EHBP1: variants seen among roughly 807,000 people sequenced by gnomAD.
The protein encoded by EHBP1 is EH domain binding protein 1.
A neutral mutation model predicts 144.0 loss-of-function variants in EHBP1; 55 were observed. The observed-to-expected ratio is 0.38, with a 90% CI of 0.31 to 0.48. EHBP1 has a LOEUF of 0.48. Among genes scored for constraint, EHBP1 ranks in the 20% least tolerant of loss-of-function variants. EHBP1 has a pLI of 0.98. For synonymous variants in EHBP1, 469 were observed against 472.7 expected (o/e 0.99, Z 0.10); for missense variants, 1,200 against 1,364.2 (o/e 0.88, Z 1.90).
chr2:62,754,934 C>T (rs1558614395), intron 3 of EHBP1, among the ~76,000 whole-genome samples: 1 of 152,330 alleles, frequency 6.6e-6, no homozygotes, highest in South Asian at 2.1e-4. Context: ...CCTTGCACTT[C>T]CCGGGTGAGG....
chr2:62,860,387 A>T (rs1031351296), intron 8 of EHBP1, among the ~76,000 whole-genome samples: 1 of 152,140 alleles, frequency 6.6e-6, no homozygotes, highest in South Asian at 2.1e-4. Flanking sequence ...GCTACTCGAG[A>T]GGCTGAGGCA....
At chr2:62,863,175 CA>C (rs2049729954) in intron 8 of EHBP1, among the ~76,000 whole-genome samples, 1 of 152,080 alleles carries the variant, frequency 6.6e-6, no homozygotes. Flanking sequence ...CCCAGCTACT[CA>C]GGAGGCTGAG....
intron 1 of EHBP1, among the ~76,000 whole-genome samples, chr2:62,683,493 A>C (rs138932354): frequency 6.6e-6 from 1 of 151,936 alleles, no homozygotes; most frequent in African/African-American, 2.4e-5. Context: ...CCCCACCTGT[A>C]CTGAAAATAC....
chr2:62,717,856 T>C (rs1045265754), intron 2 of EHBP1, among the ~76,000 whole-genome samples: 1 of 152,194 alleles, frequency 6.6e-6, no homozygotes, highest in African/African-American at 2.4e-5. Context: ...AATAGAATGA[T>C]GGTCTTACAG....
At chr2:62,932,779 T>C (rs1411242849) in intron 10 of EHBP1, among the ~76,000 whole-genome samples, 2 of 151,738 alleles carry the variant, frequency 1.3e-5, no homozygotes, top group Non-Finnish European at 2.9e-5. Flanking sequence ...CGTGGCGGAA[T>C]CCCGTCTCTA....
intron 15 of EHBP1, among the ~76,000 whole-genome samples, chr2:62,989,710 A>G (rs951433367): frequency 6.6e-6 from 1 of 152,166 alleles, no homozygotes; most frequent in African/African-American, 2.4e-5. Context: ...TTTTGTGGCA[A>G]TAAGAAATAG....
intron 10 of EHBP1, among the ~76,000 whole-genome samples, chr2:62,906,316 A>G (rs555627974): frequency 5.3e-4 from 80 of 152,234 alleles, no homozygotes; most frequent in Non-Finnish European, 8.2e-4. Flanking sequence ...CTGTTTGTCT[A>G]TCTTTACACA....
At chr2:62,830,179 CACACACACACACACACAT>C (rs1363293235) in intron 6 of EHBP1, among the ~76,000 whole-genome samples, 6 of 105,020 alleles carry the variant, frequency 5.7e-5, no homozygotes, top group African/African-American at 1.8e-4. Flanking sequence ...CACACACACA[CACACACACACACACACAT>C]ATATATACAC....
chr2:62,769,774 A>T (rs1312826887), intron 4 of EHBP1, among the ~76,000 whole-genome samples: 1 of 150,544 alleles, frequency 6.6e-6, no homozygotes, highest in African/African-American at 2.4e-5. Flanking sequence ...GGCTATAATA[A>T]CCAAAACAGC....
chr2:63,024,997 GAAA>G (rs112675485), intron 19 of EHBP1, among the ~76,000 whole-genome samples: 1 of 142,656 alleles, frequency 7.0e-6, no homozygotes, highest in Non-Finnish European at 1.5e-5. Flanking sequence ...TCCACTCTGG[GAAA>G]AAAAAAAAAG....
chr2:62,986,521 C>T (rs1394150414), intron 15 of EHBP1, among the ~76,000 whole-genome samples: 2 of 150,166 alleles, frequency 1.3e-5, no homozygotes, highest in African/African-American at 4.9e-5. Flanking sequence ...CGGCTCACTG[C>T]AATCTCCACC....
At chr2:62,747,877 TAGAG>T (rs1403009895) in intron 3 of EHBP1, among the ~76,000 whole-genome samples, 1 of 152,070 alleles carries the variant, frequency 6.6e-6, no homozygotes, top group Non-Finnish European at 1.5e-5. Context: ...AAGGACTTGA[TAGAG>T]GGAGTTTGTT....
At chr2:62,725,195 G>C (rs1558553893) in intron 2 of EHBP1, among the ~76,000 whole-genome samples, 1 of 152,200 alleles carries the variant, frequency 6.6e-6, no homozygotes, top group South Asian at 2.1e-4. Flanking sequence ...GTGCTGGGTG[G>C]TGTTGGCCAA....
At chr2:62,839,469 A>G (rs906787250) in intron 7 of EHBP1, among the ~76,000 whole-genome samples, 3 of 147,732 alleles carry the variant, frequency 2.0e-5, no homozygotes, top group South Asian at 2.3e-4. Context: ...CCTATTCAAC[A>G]TAGTGTTGGA....
At chr2:62,936,798 T>A (rs2056416347) in intron 10 of EHBP1, among the ~76,000 whole-genome samples, 1 of 152,022 alleles carries the variant, frequency 6.6e-6, no homozygotes, top group African/African-American at 2.4e-5. Context: ...GAAAAAAAAA[T>A]AATAAGACCA....
At chr2:62,976,586 C>T (rs1448706578) in intron 14 of EHBP1, among the ~76,000 whole-genome samples, 1 of 152,146 alleles carries the variant, frequency 6.6e-6, no homozygotes, top group African/African-American at 2.4e-5. Context: ...TTCTAATTTT[C>T]TCCTTTCTGT....
In EHBP1 at chr2:62,955,592, G is replaced by A; in HGVS notation, c.2392G>A (p.Ala798Thr). ...VLLEQARRDA[A>T]LKAGNKHNTN... ...GCTTGAGCAAGCAAGAAGAGATGCA[G>A]CCTTAAAGGCGGGGAATAAGCACAA... Residue 798 changes from alanine to threonine, a missense_variant, in exon 14 of 23, where the codon GCC becomes ACC. Physicochemically the swap from Ala to Thr is moderately conservative, Grantham distance 58. Coordinates refer to ENST00000431489, the MANE Select transcript of EHBP1 (RefSeq NM_001142616.3). 1 of 1,612,970 alleles carries A rather than the reference G, an allele frequency of 6.2e-7. No homozygotes were observed. Among genetic ancestry groups the A allele is most frequent in the Non-Finnish European group, 8.5e-7 (1 of 1,179,364 alleles).
At chr2:62,877,942 C>T (rs1158655178) in intron 10 of EHBP1, among the ~76,000 whole-genome samples, 1 of 152,040 alleles carries the variant, frequency 6.6e-6, no homozygotes, top group Non-Finnish European at 1.5e-5. Context: ...AAGAACAAAC[C>T]AACCGAAAGC....
At chr2:62,749,134 A>C (rs189350338) in intron 3 of EHBP1, among the ~76,000 whole-genome samples, 1 of 150,880 alleles carries the variant, frequency 6.6e-6, no homozygotes. Flanking sequence ...TCCCTTCCCC[A>C]TCCCCCCACC....
Sources: allele counts gnomAD v4.1 joint callset (sites outside exome capture counted in the v4.1 genomes callset), GRCh38; gene constraint gnomAD v4.1.1; transcripts MANE v1.5; gene names NCBI Gene and HGNC (gene_info 2026-07-23, HGNC 2026-07-21).